TNIK: variants seen among roughly 807,000 people sequenced by gnomAD.
TNIK encodes the protein TRAF2 and NCK-interacting protein kinase.
Under a neutral mutation model 191.3 loss-of-function variants are expected in TNIK, and 49 were observed. That is an observed-to-expected ratio of 0.26 (90% CI 0.20 to 0.32). TNIK has a LOEUF of 0.32. TNIK is among the 10% of genes least tolerant of loss of function. The pLI, the probability that TNIK is intolerant of heterozygous loss-of-function variation, is 1.00. For synonymous variants in TNIK, 594 were observed against 600.9 expected (o/e 0.99, Z 0.17); for missense variants, 1,155 against 1,702.3 (o/e 0.68, Z 5.66).
chr3:171,409,616 T>C (rs1016777557), intron 1 of TNIK, among the ~76,000 whole-genome samples: 3 of 151,556 alleles, frequency 2.0e-5, no homozygotes, highest in Non-Finnish European at 2.9e-5. Context: ...AAACAAGGCC[T>C]CTATAACCCC....
intron 18 of TNIK, 138 bp from the exon 19 acceptor site, chr3:171,111,015 T>C (rs1725772617): frequency 2.4e-6 from 2 of 841,150 alleles, no homozygotes; most frequent in African/African-American, 3.5e-5. Context: ...AATAACCCAA[T>C]TAAAAATGGG....
At chr3:171,391,152 A>G (rs1054356571) in intron 1 of TNIK, among the ~76,000 whole-genome samples, 1 of 152,344 alleles carries the variant, frequency 6.6e-6, no homozygotes, top group Admixed American at 6.5e-5. Context: ...TTTATCTCAC[A>G]TAAATCACCT....
At chr3:171,175,353 C>T in intron 8 of TNIK, 23 bp from the exon 9 acceptor site, 1 of 1,592,594 alleles carries the variant, frequency 6.3e-7, no homozygotes, top group Admixed American at 1.8e-5. Flanking sequence ...AAAACAAGGG[C>T]CAGCTACAGT....
intron 1 of TNIK, among the ~76,000 whole-genome samples, chr3:171,424,263 C>T (rs1305198394): frequency 6.6e-6 from 1 of 152,114 alleles, no homozygotes; most frequent in Non-Finnish European, 1.5e-5. Context: ...CAGAGAAATG[C>T]AAATCAAAAC....
At chr3:171,415,836 C>T (rs1197751793) in intron 1 of TNIK, among the ~76,000 whole-genome samples, 5 of 151,460 alleles carry the variant, frequency 3.3e-5, no homozygotes, top group African/African-American at 1.2e-4. Context: ...CAAAAATTAG[C>T]CAGGCGTGGT....
chr3:171,454,670 A>G (rs1728588695), intron 1 of TNIK, among the ~76,000 whole-genome samples: 1 of 152,270 alleles, frequency 6.6e-6, no homozygotes, highest in Non-Finnish European at 1.5e-5. Flanking sequence ...AAATAAAAAG[A>G]ATATCTAATG....
intron 2 of TNIK, among the ~76,000 whole-genome samples, chr3:171,363,304 G>A (rs1037447535): frequency 1.3e-5 from 2 of 152,136 alleles, no homozygotes; most frequent in African/African-American, 2.4e-5. Flanking sequence ...TAACCACCAT[G>A]AGGAATAACT....
chr3:171,129,545 C>T (rs1451499937), intron 15 of TNIK, among the ~76,000 whole-genome samples: 1 of 152,152 alleles, frequency 6.6e-6, no homozygotes, highest in East Asian at 1.9e-4. Flanking sequence ...AGCTTGGACT[C>T]CACTGTCTTG....
intron 12 of TNIK, among the ~76,000 whole-genome samples, chr3:171,152,625 A>C (rs1481436609): frequency 6.6e-6 from 1 of 152,154 alleles, no homozygotes; most frequent in Non-Finnish European, 1.5e-5. Context: ...GTAGTAGTAC[A>C]TGGTGACCCT....
At position 171,153,868 on chromosome 3, in the gene TNIK, C is replaced by G. The variant is rs187870121; in HGVS notation, c.1221+3592G>C. On this transcript the variant is annotated intron_variant, in intron 12 of 32. Transcript: ENST00000436636. ...TGTGGCACGCTCTTTTAGCATGCCA[C>G]TCTCCTCCACCACGGCAGTCATTGC... Among the ~76,000 whole-genome samples, 362 of 152,168 alleles carry G rather than the reference C, an allele frequency of 2.4e-3. 1 individual carries two copies. Among genetic ancestry groups the G allele is most frequent in the Non-Finnish European group, 3.5e-3 (239 of 68,014 alleles).
Position 171,275,712 on chromosome 3 carries a change from T to A in TNIK, c.124-47491A>T, listed in dbSNP as rs1050298793. On this transcript the variant is annotated intron_variant, in intron 2 of 32. Coordinates refer to ENST00000436636, the MANE Select transcript of TNIK (RefSeq NM_015028.4). The stretch of plus-strand genomic sequence containing the variant: ...GAGATCAAGACCATCCTGGCTAACA[T>A]GGTGAAACCCCGTCTCTACTAAAAA... Among the ~76,000 whole-genome samples, 3 of 151,758 alleles carry A rather than the reference T, an allele frequency of 2.0e-5. No individual in the cohort carries two copies. The East Asian group carries it at 5.8e-4, about 29-fold the overall frequency.
At chr3:171,208,264 T>TGAGC (rs1560263690) in intron 4 of TNIK, among the ~76,000 whole-genome samples, 2 of 151,906 alleles carry the variant, frequency 1.3e-5, no homozygotes, top group African/African-American at 4.8e-5. Context: ...ACGGCTACAG[T>TGAGC]GAGCTATCAC....
At chr3:171,086,553 T>TTGGGGTATG (rs1256792718) in intron 24 of TNIK, among the ~76,000 whole-genome samples, 2 of 152,222 alleles carry the variant, frequency 1.3e-5, no homozygotes, top group Non-Finnish European at 2.9e-5. Context: ...GTTCTTTTCC[T>TTGGGGTATG]TGGGGTATGC....
chr3:171,101,693 C>G, intron 21 of TNIK, 60 bp from the exon 22 acceptor site: 1 of 1,536,858 alleles, frequency 6.5e-7, no homozygotes, highest in Non-Finnish European at 8.8e-7. Context: ...CTACATCTCT[C>G]AGCAAGTCAG....
intron 1 of TNIK, among the ~76,000 whole-genome samples, chr3:171,456,270 C>T (rs966177595): frequency 6.6e-6 from 1 of 152,190 alleles, no homozygotes; most frequent in Non-Finnish European, 1.5e-5. Flanking sequence ...GAGCTCGCCT[C>T]ATATGTAATA....
intron 18 of TNIK, among the ~76,000 whole-genome samples, chr3:171,116,799 T>G (rs1726768334): frequency 6.6e-6 from 1 of 152,278 alleles, no homozygotes; most frequent in Non-Finnish European, 1.5e-5. Flanking sequence ...AGTATGAAAG[T>G]ACCTGATTTT....
chr3:171,089,335 G>A (rs946649699), intron 23 of TNIK, among the ~76,000 whole-genome samples: 6 of 152,146 alleles, frequency 3.9e-5, no homozygotes, highest in Non-Finnish European at 5.9e-5. Flanking sequence ...ACATCTTATT[G>A]TGTGCTACTT....
rs79280607 is a variant in TNIK at position 171,159,803 on chromosome 3, G to A, written c.1016+1467C>T. ...GATTTCATGAAGATTAATTAGATAC[G>A]TCCATAAAAACAGGACTTGGACTTA... On this transcript the variant is annotated intron_variant, in intron 11 of 32. Coordinates refer to ENST00000436636, the MANE Select transcript of TNIK (RefSeq NM_015028.4). This position sits in a 1 kb window ranked among gnomAD's most constrained non-coding sequence, Gnocchi z 4.1. Among the ~76,000 whole-genome samples the A allele has an allele frequency of 0.012, 1,764 of 152,248 alleles. 40 individuals are homozygous for A. Among genetic ancestry groups the A allele is most frequent in the African/African-American group, 0.04 (1,678 of 41,548 alleles).
At chr3:171,390,302 C>A (rs1719300671) in intron 1 of TNIK, among the ~76,000 whole-genome samples, 1 of 152,150 alleles carries the variant, frequency 6.6e-6, no homozygotes, top group African/African-American at 2.4e-5. Flanking sequence ...AACTGTCAAA[C>A]CTTCACTCAG....
Sources: gnomAD v4.1 joint callset for allele counts (sites outside exome capture counted in the v4.1 genomes callset) on GRCh38, gnomAD v4.1.1 for gene constraint, Gnocchi (gnomAD v3.1) non-coding constraint, MANE v1.5 for transcripts, NCBI Gene and HGNC (gene_info 2026-07-23, HGNC 2026-07-21) for gene names.